SUCO: variants seen among roughly 807,000 people sequenced by gnomAD.
The protein encoded by SUCO is SUN domain containing ossification factor, also known as SUN domain-containing ossification factor.
SUCO carries 57 observed loss-of-function variants against 148.1 expected under a neutral mutation model. The ratio of observed to expected loss-of-function variants is 0.38; its 90% CI spans 0.31 to 0.48. The LOEUF (loss-of-function observed/expected upper bound fraction) is 0.48, where lower values mean the gene tolerates loss of function less well. Among genes scored for constraint, SUCO ranks in the 20% least tolerant of loss-of-function variants. The probability of loss-of-function intolerance (pLI) is 0.96; values close to 1 mark genes in which losing one functional copy is unlikely to be tolerated. For synonymous variants in SUCO, 470 were observed against 502.7 expected (o/e 0.93, Z 0.87); for missense variants, 1,331 against 1,468.2 (o/e 0.91, Z 1.53).
At chr1:172,601,498 C>CA (rs10633040) in intron 20 of SUCO, among the ~76,000 whole-genome samples, 4,046 of 115,010 alleles carry the variant, frequency 0.035, 187 homozygotes, top group African/African-American at 0.11. Context: ...GGCTCTGTCT[C>CA]AAAAAAAAAA....
chr1:172,556,050 A>G (rs779136420), intron 4 of SUCO, 27 bp downstream of exon 4: 1 of 1,563,600 alleles, frequency 6.4e-7, no homozygotes, highest in Non-Finnish European at 8.8e-7. Flanking sequence ...AACAAACACA[A>G]AAAAGAATCT....
At chr1:172,534,997 C>T (rs1651907026) in intron 1 of SUCO, among the ~76,000 whole-genome samples, 1 of 152,134 alleles carries the variant, frequency 6.6e-6, no homozygotes, top group Non-Finnish European at 1.5e-5. Context: ...TAAACGAAAT[C>T]AAGCAATAGA....
intron 1 of SUCO, among the ~76,000 whole-genome samples, chr1:172,549,758 A>G (rs1339828451): frequency 6.6e-6 from 1 of 151,872 alleles, no homozygotes; most frequent in African/African-American, 2.4e-5. Context: ...ATACTTAACG[A>G]TTATTTTTTT....
intron 21 of SUCO, 167 bp downstream of exon 21, chr1:172,602,385 C>T: frequency 2.0e-6 from 2 of 981,766 alleles, no homozygotes; most frequent in Non-Finnish European, 2.4e-6. Context: ...GGTCCTATGC[C>T]TAACCTGGCT....
At position 172,570,189 on chromosome 1, in the gene SUCO, A is replaced by G. The variant is rs778733279; in HGVS notation, c.981+18A>G. 2.6e-6 allele frequency: 4 copies of G among 1,522,944 alleles called. No individual in the cohort carries two copies. The highest frequency in any genetic ancestry group is 3.6e-6 in the Non-Finnish European group (4 of 1,124,314). The allele number at this position is 1,522,944 out of a possible 1,614,324, so 94.3% of individuals were successfully genotyped here. On this transcript the variant is annotated intron_variant, in intron 8 of 23. Coordinates refer to ENST00000263688, the MANE Select transcript of SUCO (RefSeq NM_014283.5). The stretch of plus-strand genomic sequence containing the variant: ...AAGCCAAGGTAGGTGTTTAAATATA[A>G]AATTTTGTATATATAGGAAATTAAC...
At chr1:172,545,368 C>G (rs114825471) in intron 1 of SUCO, among the ~76,000 whole-genome samples, 2 of 152,058 alleles carry the variant, frequency 1.3e-5, no homozygotes, top group Non-Finnish European at 2.9e-5. Context: ...CATGAGAGTA[C>G]GTAAGTCTCC....
intron 6 of SUCO, among the ~76,000 whole-genome samples, chr1:172,567,493 A>G (rs1361390938): frequency 6.6e-6 from 1 of 152,112 alleles, no homozygotes; most frequent in Non-Finnish European, 1.5e-5. Context: ...AGTATAAATA[A>G]TATATATTAT....
At chr1:172,569,480 G>C (rs1023292578) in intron 7 of SUCO, 20 of 981,464 alleles carry the variant, frequency 2.0e-5, no homozygotes, top group South Asian at 4.7e-5. Context: ...AAAATCCTTG[G>C]GTTTAAAATA....
At chr1:172,554,288 A>G in intron 3 of SUCO, among the ~76,000 whole-genome samples, 1 of 152,310 alleles carries the variant, frequency 6.6e-6, no homozygotes, top group Admixed American at 6.5e-5. Flanking sequence ...GAACACTCCT[A>G]CCGTTATTCA....
chr1:172,548,320 C>A (rs1268127196), intron 1 of SUCO, among the ~76,000 whole-genome samples: 1 of 151,460 alleles, frequency 6.6e-6, no homozygotes, highest in African/African-American at 2.4e-5. Flanking sequence ...TACTATCTTC[C>A]CTTTATTGGT....
At chr1:172,539,993 A>G (rs1008390486) in intron 1 of SUCO, among the ~76,000 whole-genome samples, 6 of 152,210 alleles carry the variant, frequency 3.9e-5, no homozygotes, top group African/African-American at 1.4e-4. Context: ...CATTGTTAAT[A>G]TGAACATTTA....
At chr1:172,576,385 A>G (rs552667451) in intron 11 of SUCO, among the ~76,000 whole-genome samples, 34 of 151,810 alleles carry the variant, frequency 2.2e-4, no homozygotes, top group African/African-American at 7.9e-4. Context: ...TGATTTTACC[A>G]TCTCTTTTTA....
chr1:172,553,859 A>G (rs931249349), intron 3 of SUCO, among the ~76,000 whole-genome samples: 1 of 152,188 alleles, frequency 6.6e-6, no homozygotes, highest in Non-Finnish European at 1.5e-5. Context: ...ACCAGACTTT[A>G]TGAAAAATAC....
rs1407610690 is a variant in SUCO, at chr1:172,555,988, A to G, written c.408A>G (p.Ser136=). ...AAACTGTTGAAAATATTTCCAGCTC[A>G]TCTACCTCAGAAATCACTCCAATCT... The part of the protein sequence containing the change: ...DSETVENISS[S]STSEITPISK... The change falls in exon 4 of 24, where the codon TCA becomes TCG. Residue 136 remains serine, a synonymous_variant. Transcript: ENST00000263688. 2 of 1,613,216 alleles carry G rather than the reference A, an allele frequency of 1.2e-6. No individual in the cohort carries two copies. The highest frequency in any genetic ancestry group is 1.7e-6 in the Non-Finnish European group (2 of 1,179,648).
At chr1:172,532,481 A>C, upstream of SUCO, 1 of 1,612,384 alleles carries the variant, frequency 6.2e-7, no homozygotes. Context: ...AGATGAGAGG[A>C]TTCTTGGCAC....
intron 22 of SUCO, among the ~76,000 whole-genome samples, chr1:172,604,053 T>C (rs1484618263): frequency 6.6e-6 from 1 of 151,956 alleles, no homozygotes; most frequent in Non-Finnish European, 1.5e-5. Context: ...TTTTCCACAC[T>C]GTTTTATGAA....
In SUCO at chr1:172,574,017, TC is replaced by T. The variant is rs773125493; in HGVS notation, c.1157+20del. The T allele has an allele frequency of 8.7e-6, 12 of 1,372,596 alleles. No homozygotes were observed. The Middle Eastern group carries it at 5.4e-4, about 61-fold the overall frequency. The allele number at this position is 1,372,596 out of a possible 1,614,324, so 85.0% of individuals were successfully genotyped here. A position where few individuals can be genotyped will look rare whatever the true frequency, so the allele number is the denominator to read the frequency against. On this transcript the variant is annotated intron_variant, in intron 10 of 23. Coordinates refer to ENST00000263688, the MANE Select transcript of SUCO (RefSeq NM_014283.5). ...GTGACAGGTAAATTCTAAAGCTGTT[TC>T]TATAGGGTCTATGTTGGATCTCTGA...
rs143540155 is a variant in SUCO at position 172,589,330 on chromosome 1, C to T, written c.2229C>T (p.Pro743=). The T allele has an allele frequency of 4.3e-6, 7 of 1,613,304 alleles. No homozygotes were observed. The highest frequency in any genetic ancestry group is 5.1e-6 in the Non-Finnish European group (6 of 1,179,742). Residue 743 remains proline, a synonymous_variant, in exon 18 of 24, where the codon CCC becomes CCT. Transcript: ENST00000263688. ...LLLDITPEIN[P]LPKIEVSESV... Reference sequence around the variant, plus strand: ...TAGATATTACCCCAGAAATCAATCCCTTGCCTAAAATAGAAGTATCTGAGT... The same window carrying T: ...TAGATATTACCCCAGAAATCAATCCTTTGCCTAAAATAGAAGTATCTGAGT...
rs78018770 is a variant in SUCO at position 172,550,897 on chromosome 1, G to C, written c.63-615G>C. 1.3e-3 allele frequency: 1,276 copies of C among 976,924 alleles called. 10 individuals carry two copies. The African/African-American group carries it at 0.02, about 15-fold the overall frequency. The allele number at this position is 976,924 out of a possible 1,614,324, so 60.5% of individuals were successfully genotyped here. On this transcript the variant is annotated intron_variant, in intron 1 of 23. Transcript: ENST00000263688. Reference sequence around the variant, plus strand: ...AAGTTGATTTTATTATGTTGGACTAGTTTTGAATGTCAGAGCTTAACTCTA... The same window carrying C: ...AAGTTGATTTTATTATGTTGGACTACTTTTGAATGTCAGAGCTTAACTCTA...
Sources: allele counts gnomAD v4.1 joint callset (sites outside exome capture counted in the v4.1 genomes callset), GRCh38; gene constraint gnomAD v4.1.1; transcripts MANE v1.5; gene names NCBI Gene and HGNC (gene_info 2026-07-23, HGNC 2026-07-21).